Variants in GRID1 observed in about 807,000 individuals in gnomAD.
GRID1 encodes glutamate ionotropic receptor delta type subunit 1, also known as glutamate receptor ionotropic, delta-1.
In GRID1, 28 loss-of-function variants were observed where a neutral mutation model predicts 98.0. The observed-to-expected ratio is 0.29, with a 90% CI of 0.21 to 0.39. GRID1 has a LOEUF of 0.39. Ranked by LOEUF, GRID1 falls within the 10% of genes least tolerant of loss-of-function variation. The pLI, the probability that GRID1 is intolerant of heterozygous loss-of-function variation, is 1.00. For synonymous variants in GRID1, 553 were observed against 538.5 expected (o/e 1.03, Z -0.37); for missense variants, 1,111 against 1,340.5 (o/e 0.83, Z 2.67).
chr10:86,048,407 A>G (rs887312969), intron 4 of GRID1, among the ~76,000 whole-genome samples: 5 of 152,282 alleles, frequency 3.3e-5, no homozygotes, highest in Admixed American at 3.3e-4. Context: ...GGCCTCTAAG[A>G]GAAGAGGCAC....
rs183362252 is a variant in GRID1 at position 86,186,701 on chromosome 10, T to A, written c.520+19663A>T. Among the ~76,000 whole-genome samples the A allele has an allele frequency of 1.5e-3, 226 of 152,336 alleles. 1 individual carries two copies. The highest frequency in any genetic ancestry group is 0.014 in the East Asian group (74 of 5,186). ...AAAACTCCATGGGGCCAGTTTTTTT[T>A]AAACACTAAACTCAATGCTGGCATG... On this transcript the variant is annotated intron_variant, in intron 3 of 15. Coordinates refer to ENST00000327946, the MANE Select transcript of GRID1 (RefSeq NM_017551.3).
intron 12 of GRID1, among the ~76,000 whole-genome samples, chr10:85,648,368 T>C (rs1214877830): frequency 2.0e-5 from 3 of 152,176 alleles, no homozygotes; most frequent in Non-Finnish European, 2.9e-5. Flanking sequence ...CAGAACGTCA[T>C]GTACCAAACA....
chr10:86,219,370 G>A (rs558536724), intron 2 of GRID1, among the ~76,000 whole-genome samples: 165 of 152,308 alleles, frequency 1.1e-3, no homozygotes, highest in African/African-American at 3.5e-3. Context: ...CTGCCCAATG[G>A]CCCTTAAACC....
At chr10:86,278,591 G>C (rs2814358) in intron 2 of GRID1, among the ~76,000 whole-genome samples, 6,036 of 152,192 alleles carry the variant, frequency 0.04, 236 homozygotes, top group Admixed American at 0.11. Flanking sequence ...AAATAAAAGA[G>C]ATGATATTAC....
chr10:85,623,739 T>A (rs903581760), intron 13 of GRID1, among the ~76,000 whole-genome samples: 1 of 152,252 alleles, frequency 6.6e-6, no homozygotes, highest in African/African-American at 2.4e-5. Context: ...CAGGAAAGCA[T>A]GTCTACCCCT....
chr10:86,246,987 A>C (rs2814347), intron 2 of GRID1, among the ~76,000 whole-genome samples: 89,214 of 152,230 alleles, frequency 0.59, 30,705 homozygotes, highest in Non-Finnish European at 0.75. Context: ...CACATTGCTT[A>C]TCCAATTAGA....
At chr10:85,660,268 TG>T (rs1380651091) in intron 12 of GRID1, among the ~76,000 whole-genome samples, 1 of 152,248 alleles carries the variant, frequency 6.6e-6, no homozygotes, top group Non-Finnish European at 1.5e-5. Context: ...TCCTGTTTTT[TG>T]TTCTTTGAGG....
intron 8 of GRID1, among the ~76,000 whole-genome samples, chr10:85,771,817 T>C (rs991683014): frequency 5.3e-5 from 8 of 152,158 alleles, no homozygotes; most frequent in African/African-American, 1.4e-4. Context: ...CCCAGATTCA[T>C]AAAGCAAGTC....
At chr10:86,068,227 T>C (rs1405802160) in intron 4 of GRID1, among the ~76,000 whole-genome samples, 2 of 152,118 alleles carry the variant, frequency 1.3e-5, no homozygotes, top group Non-Finnish European at 2.9e-5. Flanking sequence ...GACCCAGGTG[T>C]GGTTGATGCT....
chr10:86,178,907 A>G (rs1845615330), intron 3 of GRID1, among the ~76,000 whole-genome samples: 1 of 152,032 alleles, frequency 6.6e-6, no homozygotes, highest in Non-Finnish European at 1.5e-5. Context: ...AAGAGCCTTG[A>G]CCTTGGGCAG....
intron 4 of GRID1, among the ~76,000 whole-genome samples, chr10:86,085,966 C>T (rs1844049155): frequency 6.6e-6 from 1 of 152,168 alleles, no homozygotes; most frequent in African/African-American, 2.4e-5. Context: ...CACCCCAGCC[C>T]AGCTGGGCCT....
chr10:85,644,108 A>T (rs1163341595), intron 13 of GRID1: 1 of 152,176 alleles, frequency 6.6e-6, no homozygotes, highest in Non-Finnish European at 1.5e-5. Context: ...GTCGCCTGCA[A>T]AGAGGGAAGG....
chr10:85,858,742 G>C (rs1266896810), intron 6 of GRID1, among the ~76,000 whole-genome samples: 1 of 152,138 alleles, frequency 6.6e-6, no homozygotes, highest in Non-Finnish European at 1.5e-5. Context: ...ACTGATAGCT[G>C]ATGCTATTTA....
At chr10:86,298,866 T>C (rs916816578) in intron 2 of GRID1, among the ~76,000 whole-genome samples, 1 of 152,160 alleles carries the variant, frequency 6.6e-6, no homozygotes, top group Admixed American at 6.5e-5. Flanking sequence ...ACATTGGTAA[T>C]GGTTTGTTCA....
intron 8 of GRID1, among the ~76,000 whole-genome samples, chr10:85,822,498 A>T (rs1314050148): frequency 2.6e-5 from 4 of 152,340 alleles, no homozygotes; most frequent in African/African-American, 4.8e-5. Flanking sequence ...ATACCATCTC[A>T]CACCAGTTAG....
intron 2 of GRID1, 152 bp downstream of exon 2, chr10:86,363,789 C>T (rs755055585): frequency 1.8e-4 from 113 of 642,760 alleles, no homozygotes; most frequent in Admixed American, 1.6e-3. Context: ...CTAGGTGGGC[C>T]GGGGAAGGCG....
chr10:86,151,426 C>T lies in GRID1; in HGVS notation c.521-12402G>A, dbSNP rs75241240. On this transcript the variant is annotated intron_variant, in intron 3 of 15. Transcript: ENST00000327946. ...CTCTCTGTGCACCAAGACACAGCAA[C>T]TCCCATCCCCACCCCAGACCTATCT... Among the ~76,000 whole-genome samples, 1,324 of 152,058 alleles carry T rather than the reference C, an allele frequency of 8.7e-3. 12 individuals carry two copies. Among genetic ancestry groups the T allele is most frequent in the Non-Finnish European group, 0.015 (993 of 68,012 alleles).
chr10:85,974,780 C>T (rs1365084831), intron 4 of GRID1, among the ~76,000 whole-genome samples: 1 of 152,194 alleles, frequency 6.6e-6, no homozygotes, highest in Non-Finnish European at 1.5e-5. Flanking sequence ...GCACGCACCA[C>T]TATGCCTGGC....
At chr10:86,207,879 C>A (rs1311903204) in intron 2 of GRID1, among the ~76,000 whole-genome samples, 3 of 152,170 alleles carry the variant, frequency 2.0e-5, no homozygotes, top group African/African-American at 7.2e-5. Context: ...ATCCGCCCGT[C>A]TCGACCTCCC....
Sources: allele counts gnomAD v4.1 joint callset (sites outside exome capture counted in the v4.1 genomes callset), GRCh38; gene constraint gnomAD v4.1.1; transcripts MANE v1.5; gene names NCBI Gene and HGNC (gene_info 2026-07-23, HGNC 2026-07-21).